Variants in DCBLD2 observed in about 807,000 individuals in gnomAD.
The protein encoded by DCBLD2 is discoidin, CUB and LCCL domain containing 2, also known as discoidin, CUB and LCCL domain-containing protein 2.
A neutral mutation model predicts 86.8 loss-of-function variants in DCBLD2; 54 were observed. The ratio of observed to expected loss-of-function variants is 0.62; its 90% confidence interval spans 0.50 to 0.78. DCBLD2 has a LOEUF of 0.78. Ranked by LOEUF, DCBLD2 falls within the 30% of genes least tolerant of loss-of-function variation. The probability of loss-of-function intolerance (pLI) is 0.00; values close to 1 mark genes in which losing one functional copy is unlikely to be tolerated. For synonymous variants in DCBLD2, 354 were observed against 341.3 expected (o/e 1.04, Z -0.41); for missense variants, 908 against 954.2 (o/e 0.95, Z 0.64).
intron 1 of DCBLD2, among the ~76,000 whole-genome samples, chr3:98,883,507 TAAC>T (rs1943508957): frequency 6.6e-6 from 1 of 152,188 alleles, no homozygotes; most frequent in Admixed American, 6.5e-5. Context: ...GAAACTTAGT[TAAC>T]AACATGTTTG....
intron 14 of DCBLD2, among the ~76,000 whole-genome samples, 195 bp from the exon 15 acceptor site, chr3:98,800,911 A>G (rs1941707140): frequency 6.6e-6 from 1 of 151,896 alleles, no homozygotes; most frequent in Non-Finnish European, 1.5e-5. Flanking sequence ...CATGGTAGAA[A>G]TCTCTATCAA....
chr3:98,845,752 T>A (rs746779314), intron 3 of DCBLD2, among the ~76,000 whole-genome samples: 8 of 152,186 alleles, frequency 5.3e-5, no homozygotes, highest in Admixed American at 1.3e-4. Context: ...CCAATCTACT[T>A]CAGCTACTCT....
rs192966433 is a variant in DCBLD2 at position 98,857,395 on chromosome 3, G to A, written c.434-7797C>T. On this transcript the variant is annotated intron_variant, in intron 2 of 15. Coordinates refer to ENST00000326840, the MANE Select transcript of DCBLD2 (RefSeq NM_080927.4). ...CTGCTGGCTCGCCACTGCTGGCTCC[G>A]GCAGCCTGCTTTTATTCTCTTATCT... Among the ~76,000 whole-genome samples the A allele has an allele frequency of 1.3e-3, 205 of 152,004 alleles. 4 individuals carry two copies. In the East Asian group the frequency reaches 0.026, roughly 19 times the overall value.
At chr3:98,887,301 G>A (rs1002274447) in intron 1 of DCBLD2, among the ~76,000 whole-genome samples, 6 of 151,872 alleles carry the variant, frequency 4.0e-5, no homozygotes, top group Non-Finnish European at 5.9e-5. Flanking sequence ...GAGCTTTTAC[G>A]AAACAGAAAA....
intron 13 of DCBLD2, chr3:98,801,922 A>G (rs1266164212): frequency 6.6e-6 from 2 of 301,486 alleles, no homozygotes; most frequent in Non-Finnish European, 1.2e-5. Flanking sequence ...TCCATGGTGT[A>G]TATGTGCCAC....
intron 2 of DCBLD2, 119 bp from the exon 3 acceptor site, chr3:98,849,717 A>G: frequency 9.2e-7 from 1 of 1,089,426 alleles, no homozygotes; most frequent in Non-Finnish European, 1.3e-6. Context: ...AGTATGGAAT[A>G]ATGACTAAAA....
At chr3:98,871,244 G>T (rs1041785464) in intron 2 of DCBLD2, among the ~76,000 whole-genome samples, 1 of 152,068 alleles carries the variant, frequency 6.6e-6, no homozygotes, top group East Asian at 1.9e-4. Flanking sequence ...GAGATAGCTT[G>T]ATTTCTCTTT....
At chr3:98,870,783 A>AAG (rs1559794579) in intron 2 of DCBLD2, among the ~76,000 whole-genome samples, 1 of 150,954 alleles carries the variant, frequency 6.6e-6, no homozygotes, top group African/African-American at 2.4e-5. Context: ...GAAAGAAAGA[A>AAG]AGAAAGAAAG....
chr3:98,849,888 T>TA (rs56992534), intron 2 of DCBLD2, among the ~76,000 whole-genome samples: 80,723 of 122,354 alleles, frequency 0.66, 21,818 homozygotes, highest in East Asian at 0.8. Flanking sequence ...AATGAGGGAC[T>TA]AAAAAAAAAA....
chr3:98,878,561 A>G (rs1943409698), intron 2 of DCBLD2, among the ~76,000 whole-genome samples: 1 of 152,250 alleles, frequency 6.6e-6, no homozygotes, highest in Admixed American at 6.5e-5. Context: ...ATTTGTTTCT[A>G]TCCTGTAATT....
rs776767939 is a variant in DCBLD2, at chr3:98,800,763, A to G, written c.1721-47T>C. 36 of 1,612,690 alleles carry G rather than the reference A, an allele frequency of 2.2e-5. No individual in the cohort carries two copies. The South Asian group carries it at 4.0e-4, about 18-fold the overall frequency. On this transcript the variant is annotated intron_variant, in intron 14 of 15. Coordinates refer to ENST00000326840, the MANE Select transcript of DCBLD2 (RefSeq NM_080927.4). ...AAGAGACCATTAAATAAAAACCTGT[A>G]TCTCAAACAGTAGTATCAAGAGAAA...
At chr3:98,863,852 C>G (rs906822105) in intron 2 of DCBLD2, among the ~76,000 whole-genome samples, 2 of 152,126 alleles carry the variant, frequency 1.3e-5, no homozygotes, top group Non-Finnish European at 2.9e-5. Flanking sequence ...CCAAAATTGA[C>G]AAATGGGATC....
chr3:98,883,443 A>C (rs1002593307), intron 1 of DCBLD2, among the ~76,000 whole-genome samples: 8 of 152,216 alleles, frequency 5.3e-5, no homozygotes, highest in Non-Finnish European at 8.8e-5. Context: ...AATGACCTTT[A>C]TATATTGGCA....
intron 3 of DCBLD2, among the ~76,000 whole-genome samples, chr3:98,841,074 G>T (rs920391190): frequency 3.9e-5 from 6 of 152,172 alleles, no homozygotes; most frequent in Non-Finnish European, 8.8e-5. Flanking sequence ...TAACCCAAAG[G>T]AAGTGTAACC....
At chr3:98,832,402 T>C (rs1036862098) in intron 3 of DCBLD2, among the ~76,000 whole-genome samples, 5 of 152,222 alleles carry the variant, frequency 3.3e-5, no homozygotes, top group African/African-American at 1.2e-4. Flanking sequence ...TGCCACTCTA[T>C]GCCTTTTTAA....
At chr3:98,831,505 A>G (rs150956588) in intron 3 of DCBLD2, among the ~76,000 whole-genome samples, 265 of 150,330 alleles carry the variant, frequency 1.8e-3, no homozygotes, top group Admixed American at 6.5e-3. Context: ...GCTAGCTTTA[A>G]GGTTGGTTTG....
At chr3:98,870,787 AAGAAAG>A (rs1187357431) in intron 2 of DCBLD2, among the ~76,000 whole-genome samples, 2 of 150,710 alleles carry the variant, frequency 1.3e-5, no homozygotes, top group Admixed American at 1.3e-4. Context: ...GAAAGAAAGA[AAGAAAG>A]AAAGAAAGAA....
chr3:98,801,524 CTT>C, intron 14 of DCBLD2, 74 bp downstream of exon 14: 2 of 1,222,518 alleles, frequency 1.6e-6, no homozygotes, highest in Admixed American at 2.3e-5. Flanking sequence ...GAGAATGACT[CTT>C]TTTTCACTAC....
intron 13 of DCBLD2, among the ~76,000 whole-genome samples, chr3:98,806,427 A>T (rs1464029436): frequency 6.6e-6 from 1 of 152,064 alleles, no homozygotes; most frequent in Non-Finnish European, 1.5e-5. Context: ...TAAATGCATC[A>T]TACTCTCTCC....
Sources: gnomAD v4.1 joint callset for allele counts (sites outside exome capture counted in the v4.1 genomes callset) on GRCh38, gnomAD v4.1.1 for gene constraint, MANE v1.5 for transcripts, NCBI Gene and HGNC (gene_info 2026-07-23, HGNC 2026-07-21) for gene names.